The following EPB42 variants were observed in gnomAD, a reference collection of about 807,000 sequenced individuals.
EPB42 encodes the protein erythrocyte membrane protein band 4.2, also known as protein 4.2.
EPB42 carries 49 observed loss-of-function variants against 76.9 expected under a neutral mutation model. The observed-to-expected ratio is 0.64, with a 90% CI of 0.51 to 0.81. The LOEUF (loss-of-function observed/expected upper bound fraction) is 0.81, where lower values mean the gene tolerates loss of function less well. EPB42 is among the 30% of genes least tolerant of loss of function. The pLI is 0.00. For synonymous variants in EPB42, 310 were observed against 338.4 expected (o/e 0.92, Z 0.92); for missense variants, 731 against 867.6 (o/e 0.84, Z 1.98).
At chr15:43,224,502 TA>T (rs879928760), upstream of EPB42, among the ~76,000 whole-genome samples, 304 of 144,132 alleles carry the variant, frequency 2.1e-3, no homozygotes, top group East Asian at 3.4e-3. Context: ...TGCTCTCACT[TA>T]AAAAAAAAAA....
chr15:43,199,114 C>A lies in EPB42; in HGVS notation c.1914-1650G>T, dbSNP rs528649610. Reference sequence around the variant, plus strand: ...GGCAAATATGGGGTCAGAGCCCCCACACAGAGTCCCTGCTGGGGCACTGCC... The same window carrying A: ...GGCAAATATGGGGTCAGAGCCCCCAAACAGAGTCCCTGCTGGGGCACTGCC... On this transcript the variant is annotated intron_variant, in intron 12 of 12. Transcript: ENST00000441366. Among the ~76,000 whole-genome samples the A allele has an allele frequency of 6.6e-5, 10 of 152,348 alleles. No individual in the cohort carries two copies. In the South Asian group the frequency reaches 1.0e-3, roughly 16 times the overall value.
chr15:43,222,083 C>T (rs1437961824), upstream of EPB42, among the ~76,000 whole-genome samples: 1 of 150,266 alleles, frequency 6.7e-6, no homozygotes, highest in African/African-American at 2.5e-5. Flanking sequence ...GCTGAGGTTG[C>T]AGTGAGCCAA....
chr15:43,201,796 T>C, intron 12 of EPB42, 48 bp downstream of exon 12: 5 of 1,613,744 alleles, frequency 3.1e-6, no homozygotes, highest in Non-Finnish European at 4.2e-6. Flanking sequence ...CCTGCCTTTC[T>C]GACCCATTGA....
Position 43,209,311 on chromosome 15 carries a change from A to T in EPB42, c.795T>A (p.Asp265Glu), listed in dbSNP as rs2042255251. ...CAGCAGCCAACACCCAGGCCTGGCCATCATACACAGGTCGGCCTCGGCCGG... is the reference window on the plus strand; with the variant it reads ...CAGCAGCCAACACCCAGGCCTGGCCTTCATACACAGGTCGGCCTCGGCCGG... Reference protein sequence around the residue: ...WLTGRGRPVYDGQAWVLAAVA... With the variant: ...WLTGRGRPVYEGQAWVLAAVA... The change falls in exon 6 of 13, where the codon GAT (aspartate) becomes GAA (glutamate). Residue 265 changes from aspartate to glutamate, a missense_variant. Asp to Glu is a conservative substitution (Grantham distance 45, BLOSUM62 2). Transcript: ENST00000441366. The T allele has an allele frequency of 6.2e-7, 1 of 1,614,160 alleles. No homozygotes were observed. Among genetic ancestry groups the T allele is most frequent in the Non-Finnish European group, 8.5e-7 (1 of 1,180,014 alleles).
intron 11 of EPB42, among the ~76,000 whole-genome samples, chr15:43,202,739 G>T (rs2042144771): frequency 6.6e-6 from 1 of 152,114 alleles, no homozygotes; most frequent in Non-Finnish European, 1.5e-5. Context: ...TGCTCTCTAG[G>T]GCTCACTTTT....
rs767097953 is a variant in EPB42 at position 43,209,321 on chromosome 15, G to A, written c.785C>T (p.Pro262Leu). The stretch of plus-strand genomic sequence containing the variant: ...CACCCAGGCCTGGCCATCATACACA[G>A]GTCGGCCTCGGCCGGTGAGCCACTG... ...LRQWLTGRGR[P>L]VYDGQAWVLA... The change falls in exon 6 of 13, where the codon CCT (proline) becomes CTT (leucine). Residue 262 changes from proline (P) to leucine (L), a missense_variant. Coordinates refer to ENST00000441366, the MANE Select transcript of EPB42 (RefSeq NM_001114134.2). 1 of 1,614,150 alleles carries A rather than the reference G, an allele frequency of 6.2e-7. No individual in the cohort carries two copies. The highest frequency in any genetic ancestry group is 8.5e-7 in the Non-Finnish European group (1 of 1,180,028).
Position 43,209,390 on chromosome 15 carries a change from C to G in EPB42, c.716G>C (p.Gly239Ala). 6.2e-7 allele frequency: 1 copy of G among 1,613,830 alleles called. No individual in the cohort carries two copies. Residue 239 changes from glycine (G) to alanine (A), a missense_variant, in exon 6 of 13, where the codon GGG (glycine) becomes GCG (alanine). Coordinates refer to ENST00000441366, the MANE Select transcript of EPB42 (RefSeq NM_001114134.2). Reference sequence around the variant, plus strand: ...GCCCCGGCGCTTGTTCAGCAAGGCCCCTTCCTGGGTGGCCTGGGTCTGCGG... The same window carrying G: ...GCCCCGGCGCTTGTTCAGCAAGGCCGCTTCCTGGGTGGCCTGGGTCTGCGG... ...PTPQTQATQE[G>A]ALLNKRRGSV...
intron 8 of EPB42, 25 bp from the exon 9 acceptor site, chr15:43,207,466 C>A: frequency 1.2e-6 from 2 of 1,611,904 alleles, no homozygotes; most frequent in Non-Finnish European, 1.7e-6. Context: ...GGTTGGTGAG[C>A]ATGGGAGCTG....
rs533575995 is a variant in EPB42 at position 43,215,956 on chromosome 15, C to T, written c.196+312G>A. Among the ~76,000 whole-genome samples, 53 of 152,278 alleles carry T rather than the reference C, an allele frequency of 3.5e-4. No homozygotes were observed. The East Asian group carries it at 4.3e-3, about 12-fold the overall frequency. On this transcript the variant is annotated intron_variant, in intron 2 of 12. Coordinates refer to ENST00000441366, the MANE Select transcript of EPB42 (RefSeq NM_001114134.2). ...ATCCACCCGCCTCGGCCTCCCAAAG[C>T]GCTGGGATTACAGGCGTGAGCCACC... is the stretch of plus-strand genomic sequence containing the variant.
At position 43,208,569 on chromosome 15, in the gene EPB42, G is replaced by A. The variant is rs2042242323; in HGVS notation, c.971+68C>T. 3.7e-6 allele frequency: 6 copies of A among 1,608,168 alleles called. No homozygotes were observed. The African/African-American group carries it at 4.0e-5, about 11-fold the overall frequency. On this transcript the variant is annotated intron_variant, in intron 7 of 12. Transcript: ENST00000441366. ...GGGCCATGCAGGGGGTGGGGCTCCTGCAGAGGTGTGCTATGCAGGGTTGGA... is the reference window on the plus strand; with the variant it reads ...GGGCCATGCAGGGGGTGGGGCTCCTACAGAGGTGTGCTATGCAGGGTTGGA...
chr15:43,217,749 G>A (rs928298224), intron 1 of EPB42, among the ~76,000 whole-genome samples: 1 of 152,150 alleles, frequency 6.6e-6, no homozygotes, highest in Non-Finnish European at 1.5e-5. Flanking sequence ...GAAGTGATAT[G>A]ACCCTGATAG....
intron 1 of EPB42, among the ~76,000 whole-genome samples, chr15:43,219,774 G>A (rs1411582714): frequency 6.6e-6 from 1 of 151,978 alleles, no homozygotes; most frequent in African/African-American, 2.4e-5. Context: ...GTGAAACTCC[G>A]TCTCTACTAA....
intron 11 of EPB42, 144 bp from the exon 12 acceptor site, chr15:43,202,121 G>A (rs969861485): frequency 6.3e-5 from 69 of 1,092,272 alleles, no homozygotes; most frequent in Admixed American, 7.9e-5. Context: ...GTCTTCTACC[G>A]CTCTACCTGC....
chr15:43,202,245 T>C (rs2042137595), intron 11 of EPB42, among the ~76,000 whole-genome samples: 1 of 152,176 alleles, frequency 6.6e-6, no homozygotes, highest in South Asian at 2.1e-4. Flanking sequence ...CAGTTTACAT[T>C]GTATTCAACG....
chr15:43,213,483 G>T (rs1457142594), intron 3 of EPB42, among the ~76,000 whole-genome samples: 1 of 152,138 alleles, frequency 6.6e-6, no homozygotes, highest in Admixed American at 6.5e-5. Flanking sequence ...GCCCTCCCTA[G>T]GCAGGTCCCT....
intron 2 of EPB42, among the ~76,000 whole-genome samples, chr15:43,215,843 A>G (rs2042370188): frequency 6.6e-6 from 1 of 152,104 alleles, no homozygotes; most frequent in African/African-American, 2.4e-5. Context: ...ATTATAGGCC[A>G]CCATGCCTGG....
upstream of EPB42, chr15:43,221,217 G>A (rs2042457238): frequency 3.1e-6 from 1 of 323,806 alleles, no homozygotes; most frequent in South Asian, 2.6e-5. Context: ...GACTCTCAGA[G>A]ATGTTATCTG....
At chr15:43,221,703 T>C (rs1294138171), upstream of EPB42, among the ~76,000 whole-genome samples, 1 of 151,936 alleles carries the variant, frequency 6.6e-6, no homozygotes, top group Non-Finnish European at 1.5e-5. Context: ...CCAAAAATAT[T>C]GGTTGCCTGT....
In EPB42 at chr15:43,207,262, T is replaced by C; in HGVS notation, c.1255A>G (p.Ser419Gly). The change falls in exon 9 of 13, where the codon AGC becomes GGC. Residue 419 changes from serine (S) to glycine (G), a missense_variant. Coordinates refer to ENST00000441366, the MANE Select transcript of EPB42 (RefSeq NM_001114134.2). ...SNTKYVGNNI[S>G]TKGVGSDRCE... The stretch of plus-strand genomic sequence containing the variant: ...CGGTCACTGCCCACACCCTTGGTGC[T>C]GATGTTGTTGCCAACATACTTTGTG... 6.2e-7 allele frequency: 1 copy of C among 1,614,162 alleles called. No homozygotes were observed. The highest frequency in any genetic ancestry group is 8.5e-7 in the Non-Finnish European group (1 of 1,179,996).
Sources: gnomAD v4.1 joint callset for allele counts (sites outside exome capture counted in the v4.1 genomes callset) on GRCh38, gnomAD v4.1.1 for gene constraint, MANE v1.5 for transcripts, NCBI Gene and HGNC (gene_info 2026-07-23, HGNC 2026-07-21) for gene names.